PLEKHH1: variants seen among roughly 807,000 people sequenced by gnomAD.
The protein encoded by PLEKHH1 is pleckstrin homology domain-containing family H member 1.
In PLEKHH1, 104 loss-of-function variants were observed where a neutral mutation model predicts 160.0. The observed-to-expected ratio is 0.65, with a 90% CI of 0.55 to 0.76. The LOEUF is 0.76. Ranked by LOEUF, PLEKHH1 falls within the 30% of genes least tolerant of loss-of-function variation. The pLI is 0.00. For missense variants in PLEKHH1, 1,427 were observed against 1,724.1 expected (o/e 0.83, Z 3.05); for synonymous variants, 619 against 678.4 (o/e 0.91, Z 1.36).
Position 67,574,473 on chromosome 14 carries a change from C to A in PLEKHH1, c.2088+70C>A. On this transcript the variant is annotated intron_variant, in intron 14 of 28. Coordinates refer to ENST00000329153, the MANE Select transcript of PLEKHH1 (RefSeq NM_020715.3). The surrounding 1 kb of genome is among the most constrained non-coding windows in gnomAD (Gnocchi z 4.2). ...ATCAGGGGAGCCAGGATTGGGGTGC[C>A]GAGGGTGGTGGGTTCCCCCTTATAC... 1 of 1,290,304 alleles carries A rather than the reference C, an allele frequency of 7.8e-7. No individual in the cohort carries two copies. Among genetic ancestry groups the A allele is most frequent in the South Asian group, 1.8e-5 (1 of 56,908 alleles). 79.9% of individuals were successfully genotyped at this position (1,290,304 alleles called of 1,614,324 possible).
At chr14:67,543,083 C>G (rs2034037097) in intron 2 of PLEKHH1, among the ~76,000 whole-genome samples, 1 of 152,202 alleles carries the variant, frequency 6.6e-6, no homozygotes, top group Non-Finnish European at 1.5e-5. Context: ...TGAAGACCTG[C>G]ACTTAAAATT....
At position 67,578,195 on chromosome 14, in the gene PLEKHH1, T is replaced by C. The variant is rs372444628; in HGVS notation, c.2747T>C (p.Met916Thr). 4 of 1,613,312 alleles carry C rather than the reference T, an allele frequency of 2.5e-6. No individual in the cohort carries two copies. Among genetic ancestry groups the C allele is most frequent in the Admixed American group, 1.7e-5 (1 of 59,984 alleles). ...SCRPPQKYSL[M>T]QCWQLLALCA... The stretch of plus-strand genomic sequence containing the variant: ...CGCCCACCTCAGAAGTACTCCCTCA[T>C]GCAGGTAGGCATGCCAGGGGTGGAG... The change falls in exon 19 of 29, where the codon ATG becomes ACG. Residue 916 changes from methionine to threonine, a missense_variant. Met to Thr is a moderately conservative substitution (Grantham distance 81). Coordinates refer to ENST00000329153, the MANE Select transcript of PLEKHH1 (RefSeq NM_020715.3). This position sits in a 1 kb window ranked among gnomAD's most constrained non-coding sequence, Gnocchi z 5.0.
chr14:67,587,102 G>A lies in PLEKHH1; in HGVS notation c.3962G>A (p.Ser1321Asn), dbSNP rs2036206758. Residue 1321 changes from serine to asparagine, a missense_variant, in exon 29 of 29, where the codon AGC becomes AAC. Physicochemically the swap from Ser to Asn is conservative, Grantham distance 46 (BLOSUM62 1). Coordinates refer to ENST00000329153, the MANE Select transcript of PLEKHH1 (RefSeq NM_020715.3). Reference protein sequence around the residue: ...KIAEATFIMASYMNHCTTTVN... With the variant: ...KIAEATFIMANYMNHCTTTVN... The stretch of plus-strand genomic sequence containing the variant: ...GCAGAAGCTACCTTCATCATGGCCA[G>A]CTATATGAACCATTGCACTACAACT... 1.9e-6 allele frequency: 3 copies of A among 1,612,340 alleles called. No individual in the cohort carries two copies. The highest frequency in any genetic ancestry group is 2.5e-6 in the Non-Finnish European group (3 of 1,179,172).
intron 4 of PLEKHH1, among the ~76,000 whole-genome samples, chr14:67,558,754 A>G (rs1412159653): frequency 6.6e-6 from 1 of 152,238 alleles, no homozygotes; most frequent in East Asian, 1.9e-4. Context: ...CACAAAGACA[A>G]TATCAAACCA....
chr14:67,577,176 C>T lies in PLEKHH1; in HGVS notation c.2462-126C>T. On this transcript the variant is annotated intron_variant, in intron 17 of 28. Coordinates refer to ENST00000329153, the MANE Select transcript of PLEKHH1 (RefSeq NM_020715.3). Reference sequence around the variant, plus strand: ...CACACTCTATGGATGATAAACCCAGCACAACCCAAGTGTTGACGGAAGATA... The same window carrying T: ...CACACTCTATGGATGATAAACCCAGTACAACCCAAGTGTTGACGGAAGATA... 3 of 683,020 alleles carry T rather than the reference C, an allele frequency of 4.4e-6. 1 individual carries two copies. The South Asian group carries it at 5.2e-5, about 12-fold the overall frequency. 42.3% of individuals were successfully genotyped at this position (683,020 alleles called of 1,614,324 possible).
Position 67,587,132 on chromosome 14 carries a change from A to AC in PLEKHH1, c.3999dup (p.Thr1334HisfsTer56), listed in dbSNP as rs761759640. The AC allele has an allele frequency of 9.2e-5, 149 of 1,613,186 alleles. No homozygotes were observed. The highest frequency in any genetic ancestry group is 3.3e-4 in the Middle Eastern group (2 of 6,062). On this transcript the variant is annotated frameshift_variant, in exon 29 of 29. Transcript: ENST00000329153. LOFTEE classifies it high-confidence loss of function. ...ATGAACCATTGCACTACAACTGTGA[A>AC]CCCCCCCACCAACCCACCCGGAGCC...
In PLEKHH1 at chr14:67,579,145, G is replaced by T; in HGVS notation, c.2861G>T (p.Gly954Val). Residue 954 changes from glycine (G) to valine (V), a missense_variant, in exon 21 of 29, where the codon GGC (glycine) becomes GTC (valine). Transcript: ENST00000329153. ...TTCCGTCTTTTTAGAAGTGAAACTG[G>T]CCAGTATGCCACCTACTGCCAGCGG... ...QRHADPRSET[G>V]QYATYCQRAV... The T allele has an allele frequency of 6.2e-7, 1 of 1,606,088 alleles. No individual in the cohort carries two copies. Among genetic ancestry groups the T allele is most frequent in the Admixed American group, 1.7e-5 (1 of 57,790 alleles).
rs893843881 is a variant in PLEKHH1 at position 67,576,234 on chromosome 14, A to G, written c.2353-161A>G. ...ATCGCAAATTTGGAAAGTTGGGTTC[A>G]TGTTCACCTGATCCTCAGTCTTTCC... On this transcript the variant is annotated intron_variant, in intron 16 of 28. Transcript: ENST00000329153. This position sits in a 1 kb window ranked among gnomAD's most constrained non-coding sequence, Gnocchi z 4.0. Among the ~76,000 whole-genome samples, 1 of 152,242 alleles carries G rather than the reference A, an allele frequency of 6.6e-6. No individual in the cohort carries two copies. Among genetic ancestry groups the G allele is most frequent in the Non-Finnish European group, 1.5e-5 (1 of 68,046 alleles).
chr14:67,551,334 G>A (rs906016317), intron 2 of PLEKHH1, among the ~76,000 whole-genome samples: 3 of 152,154 alleles, frequency 2.0e-5, no homozygotes, highest in Non-Finnish European at 4.4e-5. Context: ...TGCCATCTTT[G>A]TATAGGACAA....
rs780098090 is a variant in PLEKHH1 at position 67,572,119 on chromosome 14, C to T, written c.1586-16C>T. 2.5e-6 allele frequency: 4 copies of T among 1,601,428 alleles called. No individual in the cohort carries two copies. The highest frequency in any genetic ancestry group is 2.6e-6 in the Non-Finnish European group (3 of 1,174,438). Reference sequence around the variant, plus strand: ...AGGTGTGGGACCCGGGCCTTGACTCCTCCTCCCTCGGCAAGGCGTCTCCAT... The same window carrying T: ...AGGTGTGGGACCCGGGCCTTGACTCTTCCTCCCTCGGCAAGGCGTCTCCAT... On this transcript the variant is annotated splice_polypyrimidine_tract_variant and intron_variant, in intron 10 of 28. Transcript: ENST00000329153.
chr14:67,541,093 T>C (rs992073184), intron 1 of PLEKHH1, among the ~76,000 whole-genome samples: 4 of 152,236 alleles, frequency 2.6e-5, no homozygotes, highest in African/African-American at 9.6e-5. Flanking sequence ...TGAGAATCTA[T>C]TCCAAAGTGG....
At chr14:67,568,917 T>C (rs116732285) in intron 7 of PLEKHH1, 20 of 531,430 alleles carry the variant, frequency 3.8e-5, no homozygotes, top group African/African-American at 2.3e-4. Flanking sequence ...AAGTATTTCA[T>C]TGATTCTCAC....
At position 67,571,787 on chromosome 14, in the gene PLEKHH1, C is replaced by T. The variant is rs775049167; in HGVS notation, c.1470C>T (p.Asp490=). Residue 490 remains aspartate (D), a synonymous_variant, in exon 10 of 29, where the codon GAC becomes GAT. Coordinates refer to ENST00000329153, the MANE Select transcript of PLEKHH1 (RefSeq NM_020715.3). ...ATQISNMPFM[D]ESSGSDDDCS... The stretch of plus-strand genomic sequence containing the variant: ...AGATCAGCAACATGCCCTTTATGGA[C>T]GAGTCCTCTGGGTCTGACGATGACT... 22 of 1,613,764 alleles carry T rather than the reference C, an allele frequency of 1.4e-5. 1 individual carries two copies. The highest frequency in any genetic ancestry group is 5.0e-5 in the Admixed American group (3 of 59,996).
In PLEKHH1 at chr14:67,566,613, T is replaced by C. The variant is rs529471603; in HGVS notation, c.1264-2525T>C. Reference sequence around the variant, plus strand: ...AGATACAAAAATTAGCTGAGCATGGTGGCACATGCCGGTAGTCCCAGCTAC... The same window carrying C: ...AGATACAAAAATTAGCTGAGCATGGCGGCACATGCCGGTAGTCCCAGCTAC... On this transcript the variant is annotated intron_variant, in intron 7 of 28. Transcript: ENST00000329153. Among the ~76,000 whole-genome samples, 10 of 152,202 alleles carry C rather than the reference T, an allele frequency of 6.6e-5. No individual in the cohort carries two copies. The South Asian group carries it at 2.1e-3, about 32-fold the overall frequency.
chr14:67,548,983 T>G (rs1001138496), intron 2 of PLEKHH1, among the ~76,000 whole-genome samples: 2 of 152,328 alleles, frequency 1.3e-5, no homozygotes, highest in East Asian at 3.9e-4. Flanking sequence ...CCACCTCATA[T>G]GGATTATACA....
At position 67,582,361 on chromosome 14, in the gene PLEKHH1, T is replaced by C. The variant is rs182366989; in HGVS notation, c.3426+151T>C. ...TCTGGGATGGAAAGCAGCTGACTTCTACAGATCAGAGCTCCTCACTCACCG... is the reference window on the plus strand; with the variant it reads ...TCTGGGATGGAAAGCAGCTGACTTCCACAGATCAGAGCTCCTCACTCACCG... On this transcript the variant is annotated intron_variant, in intron 24 of 28. Coordinates refer to ENST00000329153, the MANE Select transcript of PLEKHH1 (RefSeq NM_020715.3). The surrounding 1 kb of genome is among the most constrained non-coding windows in gnomAD (Gnocchi z 5.0). The C allele has an allele frequency of 8.3e-5, 111 of 1,343,866 alleles. No homozygotes were observed. In the African/African-American group the frequency reaches 1.5e-3, roughly 18 times the overall value. 83.2% of individuals were successfully genotyped at this position (1,343,866 alleles called of 1,614,324 possible). A position where few individuals can be genotyped will look rare whatever the true frequency, so the allele number is the denominator to read the frequency against.
At chr14:67,542,181 G>A (rs201674573) in intron 2 of PLEKHH1, among the ~76,000 whole-genome samples, 188 bp downstream of exon 2, 5 of 148,776 alleles carry the variant, frequency 3.4e-5, no homozygotes, top group East Asian at 2.0e-4. Flanking sequence ...TCTTGCTTGC[G>A]TCTTTGCTCG....
In PLEKHH1 at chr14:67,574,277, C is replaced by T. The variant is rs144511056; in HGVS notation, c.1962C>T (p.Ala654=). 1.1e-5 allele frequency: 17 copies of T among 1,608,648 alleles called. 1 individual carries two copies. The highest frequency in any genetic ancestry group is 4.5e-5 in the South Asian group (4 of 89,746). The change falls in exon 14 of 29, where the codon GCC becomes GCT. Residue 654 remains alanine, a synonymous_variant. Transcript: ENST00000329153. This position sits in a 1 kb window ranked among gnomAD's most constrained non-coding sequence, Gnocchi z 4.2. ...ISEKKTYYLT[A]DSPSLLEEWI... ...AGAAGAAAACCTACTACCTGACGGC[C>T]GATTCACCCAGCCTGCTGGAGGAGT...
chr14:67,536,428 TCATAC>T (rs1844545739), intron 1 of PLEKHH1, among the ~76,000 whole-genome samples: 1 of 151,720 alleles, frequency 6.6e-6, no homozygotes, highest in Non-Finnish European at 1.5e-5. Flanking sequence ...CAAGTGGAAG[TCATAC>T]AGATACTCAC....
Sources: gnomAD v4.1 joint callset for allele counts (sites outside exome capture counted in the v4.1 genomes callset) on GRCh38, gnomAD v4.1.1 for gene constraint, Gnocchi (gnomAD v3.1) non-coding constraint, MANE v1.5 for transcripts, NCBI Gene and HGNC (gene_info 2026-07-23, HGNC 2026-07-21) for gene names.